The following NELL2 variants were observed in gnomAD, a reference collection of about 807,000 sequenced individuals.
NELL2 encodes protein kinase C-binding protein NELL2.
A neutral mutation model predicts 109.6 loss-of-function variants in NELL2; 41 were observed. The observed-to-expected ratio is 0.37, with a 90% CI of 0.29 to 0.49. The LOEUF is 0.49. NELL2 is among the 20% of genes least tolerant of loss of function. The pLI, the probability that NELL2 is intolerant of heterozygous loss-of-function variation, is 0.98. For synonymous variants in NELL2, 355 were observed against 344.7 expected, an observed-to-expected ratio of 1.03 and a Z score of -0.33; for missense variants, 900 against 1,008.3, an observed-to-expected ratio of 0.89 and a Z score of 1.45.
At chr12:44,748,023 T>A (rs1041207365) in intron 9 of NELL2, among the ~76,000 whole-genome samples, 9 of 152,148 alleles carry the variant, frequency 5.9e-5, no homozygotes, top group African/African-American at 2.2e-4. Flanking sequence ...TACTGTCCCT[T>A]ATCTGACTCT....
intron 9 of NELL2, among the ~76,000 whole-genome samples, chr12:44,748,844 C>T (rs985934781): frequency 3.3e-5 from 5 of 152,072 alleles, no homozygotes; most frequent in Non-Finnish European, 7.4e-5. Context: ...CAAAGAGGGA[C>T]TGTTAATGAC....
At chr12:44,628,807 C>T (rs183615821) in intron 13 of NELL2, among the ~76,000 whole-genome samples, 25 of 152,272 alleles carry the variant, frequency 1.6e-4, no homozygotes, top group South Asian at 8.3e-4. Flanking sequence ...GTACCCAGGC[C>T]GTATCAGGTG....
At chr12:44,718,847 T>C (rs939882071) in intron 9 of NELL2, among the ~76,000 whole-genome samples, 1 of 152,186 alleles carries the variant, frequency 6.6e-6, no homozygotes, top group Admixed American at 6.5e-5. Flanking sequence ...TACTCGACTC[T>C]AGTAGGTGCT....
chr12:44,588,038 C>G (rs1198021136), intron 15 of NELL2, among the ~76,000 whole-genome samples: 3 of 151,962 alleles, frequency 2.0e-5, no homozygotes, highest in Admixed American at 6.6e-5. Context: ...GTAGTCCCAG[C>G]CACTCGGGAG....
chr12:44,726,379 AG>A (rs1939083395), intron 9 of NELL2, among the ~76,000 whole-genome samples: 1 of 152,120 alleles, frequency 6.6e-6, no homozygotes, highest in Non-Finnish European at 1.5e-5. Context: ...AACCCAAAAA[AG>A]TTTGTGTTGC....
intron 1 of NELL2, among the ~76,000 whole-genome samples, chr12:44,919,680 A>G (rs1945854953): frequency 1.3e-5 from 2 of 152,192 alleles, no homozygotes; most frequent in Non-Finnish European, 2.9e-5. Flanking sequence ...CCAACAAAAC[A>G]CTGGAAGCTA....
At chr12:44,731,534 A>C (rs1939370894) in intron 9 of NELL2, among the ~76,000 whole-genome samples, 1 of 152,138 alleles carries the variant, frequency 6.6e-6, no homozygotes. Context: ...CATTTGACAG[A>C]ATTCAACACC....
intron 15 of NELL2, among the ~76,000 whole-genome samples, chr12:44,552,010 C>T (rs1943060146): frequency 6.6e-6 from 1 of 152,128 alleles, no homozygotes; most frequent in Non-Finnish European, 1.5e-5. Context: ...TTTCGGGAGA[C>T]TGGTCCCAGA....
chr12:44,682,535 G>A (rs1948551134), intron 12 of NELL2, among the ~76,000 whole-genome samples: 1 of 152,116 alleles, frequency 6.6e-6, no homozygotes, highest in South Asian at 2.1e-4. Flanking sequence ...TTTCTTCTAG[G>A]GTTTTTATTG....
intron 13 of NELL2, among the ~76,000 whole-genome samples, chr12:44,615,175 T>C (rs1177680464): frequency 1.3e-5 from 2 of 152,066 alleles, no homozygotes; most frequent in African/African-American, 4.8e-5. Context: ...AGGATCTGGT[T>C]GGATCAGGTA....
rs10664645 is a variant in NELL2 at position 44,821,046 on chromosome 12, TACACAC to T, written c.185-4916_185-4911del. ...GGGCAGCATATATAAGCTTTATAAA[TACACAC>T]ACACACACACACACACACGTATATA... On this transcript the variant is annotated intron_variant, in intron 2 of 19. Transcript: ENST00000429094. Among the ~76,000 whole-genome samples, 7 of 148,962 alleles carry T rather than the reference TACACAC, an allele frequency of 4.7e-5. No individual in the cohort carries two copies. The South Asian group carries it at 1.3e-3, about 27-fold the overall frequency.
chr12:44,523,410 C>G lies in NELL2; in HGVS notation c.1879G>C (p.Asp627His). ...TTCTTTCCATGAGGACATCGACAATCATATCCGCCATCCAAATTGAAGCAA... is the reference window on the plus strand; with the variant it reads ...TTCTTTCCATGAGGACATCGACAATGATATCCGCCATCCAAATTGAAGCAA... ...TICFNLDGGY[D>H]CRCPHGKNCT... is the part of the protein sequence containing the mutation. The change falls in exon 17 of 20, where the codon GAT becomes CAT. Residue 627 changes from aspartate to histidine, a missense_variant. Transcript: ENST00000429094. 1 of 1,614,162 alleles carries G rather than the reference C, an allele frequency of 6.2e-7. No homozygotes were observed. The highest frequency in any genetic ancestry group is 8.5e-7 in the Non-Finnish European group (1 of 1,180,010).
intron 2 of NELL2, among the ~76,000 whole-genome samples, chr12:44,858,060 A>G (rs182862906): frequency 1.5e-4 from 23 of 152,302 alleles, no homozygotes; most frequent in Non-Finnish European, 2.8e-4. Flanking sequence ...GCTAATTCCA[A>G]AATAAAAATA....
chr12:44,781,976 T>C (rs767657560), intron 3 of NELL2, among the ~76,000 whole-genome samples: 1 of 151,912 alleles, frequency 6.6e-6, no homozygotes. Flanking sequence ...GAACATAGTA[T>C]GTAAAAAAGA....
chr12:44,816,199 A>T, intron 2 of NELL2, 63 bp from the exon 3 acceptor site: 2 of 1,383,336 alleles, frequency 1.4e-6, no homozygotes, highest in Non-Finnish European at 1.9e-6. Flanking sequence ...TATCTTTTAC[A>T]TGTAACATCT....
chr12:44,779,943 C>G lies in NELL2; in HGVS notation c.415G>C (p.Glu139Gln), dbSNP rs201255589. Residue 139 changes from glutamate (E) to glutamine (Q), a missense_variant, in exon 4 of 20, where the codon GAA becomes CAA. Transcript: ENST00000429094. ...YRSGSHRPHT[E>Q]VFPYILADDK... is the part of the protein sequence containing the mutation. ...TCAGCCAAAATGTAAGGAAACACTT[C>G]TGTGTGAGGGCGGTGACTGCCTGAG... The G allele has an allele frequency of 7.7e-5, 125 of 1,613,830 alleles. No homozygotes were observed. Among genetic ancestry groups the G allele is most frequent in the Non-Finnish European group, 4.1e-5 (48 of 1,179,842 alleles).
chr12:44,880,433 A>G (rs1945398744), upstream of NELL2, among the ~76,000 whole-genome samples: 1 of 152,016 alleles, frequency 6.6e-6, no homozygotes. Flanking sequence ...AACATTGAAA[A>G]CAAAAAGTCA....
intron 11 of NELL2, 105 bp downstream of exon 11, chr12:44,711,187 G>C (rs558494932): frequency 1.3e-6 from 1 of 782,980 alleles, no homozygotes; most frequent in African/African-American, 1.7e-5. Flanking sequence ...AATACTATTA[G>C]TCTATGGAAA....
intron 13 of NELL2, among the ~76,000 whole-genome samples, chr12:44,650,699 C>T (rs1392858358): frequency 1.3e-5 from 2 of 152,006 alleles, no homozygotes; most frequent in Non-Finnish European, 2.9e-5. Flanking sequence ...AAGGGTGGGG[C>T]GCTGATGCAA....
Sources: allele counts gnomAD v4.1 joint callset (sites outside exome capture counted in the v4.1 genomes callset), GRCh38; gene constraint gnomAD v4.1.1; transcripts MANE v1.5; gene names NCBI Gene and HGNC (gene_info 2026-07-23, HGNC 2026-07-21).